Variants in FANCA observed in about 807,000 individuals in gnomAD.
The protein encoded by FANCA is FA complementation group A, also known as Fanconi anemia group A protein.
A neutral mutation model predicts 194.3 loss-of-function variants in FANCA; 236 were observed. The observed-to-expected ratio is 1.21, with a 90% CI of 1.09 to 1.35. FANCA has a LOEUF of 1.35. Among genes scored for constraint, FANCA ranks in the 40% most tolerant of loss-of-function variants. The probability of loss-of-function intolerance (pLI) is 0.00; values close to 1 mark genes in which losing one functional copy is unlikely to be tolerated. For synonymous variants in FANCA, 1,014 were observed against 715.8 expected (o/e 1.42, Z -6.65); for missense variants, 2,628 against 1,813.9 (o/e 1.45, Z -8.15).
chr16:89,792,803 G>A (rs918881036), intron 11 of FANCA: 1 of 427,836 alleles, frequency 2.3e-6, no homozygotes, highest in Non-Finnish European at 4.5e-6. Context: ...AAAGCAAAAG[G>A]GGCAGGGTAA....
At chr16:89,752,562 T>C (rs17227022) in intron 30 of FANCA, among the ~76,000 whole-genome samples, 1 of 152,240 alleles carries the variant, frequency 6.6e-6, no homozygotes, top group Non-Finnish European at 1.5e-5. Context: ...AGATCTTAGA[T>C]ATGATTACAT....
rs1334445712 is a variant in FANCA at position 89,753,274 on chromosome 16, T to C, written c.2982-1052A>G. Reference sequence around the variant, plus strand: ...ATTGTTTACCCTGCCCCTTCTGCCTTGTATCCAATAAGTAACAGCGCAGCC... The same window carrying C: ...ATTGTTTACCCTGCCCCTTCTGCCTCGTATCCAATAAGTAACAGCGCAGCC... On this transcript the variant is annotated intron_variant, in intron 30 of 42. Transcript: ENST00000389301. 2.6e-5 allele frequency among the ~76,000 whole-genome samples: 4 copies of C among 152,160 alleles called. No individual in the cohort carries two copies. In the East Asian group the frequency reaches 5.8e-4, roughly 22 times the overall value.
At chr16:89,798,614 C>T (rs2040328445) in intron 10 of FANCA, 2 of 1,169,772 alleles carry the variant, frequency 1.7e-6, no homozygotes, top group Non-Finnish European at 2.1e-6. Context: ...CCACCTTCCA[C>T]CCAGCCCCCA....
rs761166173 is a variant in FANCA, at chr16:89,775,826, G to A, written c.1827-11C>T. 3.8e-6 allele frequency: 6 copies of A among 1,597,214 alleles called. No individual in the cohort carries two copies. Among genetic ancestry groups the A allele is most frequent in the Non-Finnish European group, 4.3e-6 (5 of 1,166,788 alleles). Reference sequence around the variant, plus strand: ...GGGATTTTATCTGCTCTGGATCACAGGAAAACAATACAATTAAGTCAGCTA... The same window carrying A: ...GGGATTTTATCTGCTCTGGATCACAAGAAAACAATACAATTAAGTCAGCTA... On this transcript the variant is annotated splice_polypyrimidine_tract_variant and intron_variant, in intron 20 of 42. Coordinates refer to ENST00000389301, the MANE Select transcript of FANCA (RefSeq NM_000135.4).
intron 29 of FANCA, among the ~76,000 whole-genome samples, chr16:89,759,475 C>T (rs997736590): frequency 6.6e-6 from 1 of 151,644 alleles, no homozygotes; most frequent in Non-Finnish European, 1.5e-5. Flanking sequence ...CAAGGAGACA[C>T]TGACTCAAAA....
rs527882851 is a variant in FANCA at position 89,758,582 on chromosome 16, G to A, written c.2976C>T (p.His992=). 11 of 1,613,584 alleles carry A rather than the reference G, an allele frequency of 6.8e-6. No homozygotes were observed. The South Asian group carries it at 9.9e-5, about 14-fold the overall frequency. Residue 992 remains histidine (H), a synonymous_variant, in exon 30 of 43, where the codon CAC becomes CAT. Coordinates refer to ENST00000389301, the MANE Select transcript of FANCA (RefSeq NM_000135.4). ...TILVNALMDF[H]QSSRSYDHSE... is the part of the protein sequence containing the mutation. ...ATACAGTGTGTGCTGCTAACCTTTG[G>A]TGGAAATCCATCAGTGCGTTGACAA...
intron 42 of FANCA, 77 bp downstream of exon 42, chr16:89,738,805 C>G (rs1567591566): frequency 5.0e-6 from 8 of 1,613,680 alleles, no homozygotes; most frequent in Non-Finnish European, 5.9e-6. Flanking sequence ...GTATTGCCAG[C>G]CAGGCAGGCA....
At position 89,739,517 on chromosome 16, in the gene FANCA, G is replaced by A. The variant is rs182657062; in HGVS notation, c.3971C>T (p.Pro1324Leu). ...AGGCAGCAGCCTGGTGTGCTGATCC[G>A]GGGCCACACGGAGGAGGAGCCGCCC... The part of the protein sequence containing the change: ...RLGRLLLRVA[P>L]DQHTRLLPFA... Residue 1324 changes from proline to leucine, a missense_variant, in exon 40 of 43, where the codon CCG (proline) becomes CTG (leucine). Physicochemically the swap from Pro to Leu is moderately conservative, Grantham distance 98 (BLOSUM62 -3). Transcript: ENST00000389301. 2.3e-5 allele frequency: 36 copies of A among 1,551,320 alleles called. No homozygotes were observed. The highest frequency in any genetic ancestry group is 4.9e-5 in the East Asian group (2 of 40,934).
At chr16:89,748,798 A>G (rs1367166428) in intron 32 of FANCA, 31 bp from the exon 33 acceptor site, 2 of 1,574,970 alleles carry the variant, frequency 1.3e-6, no homozygotes, top group South Asian at 1.1e-5. Flanking sequence ...TGGTGGCGAC[A>G]GCACAGCGTA....
intron 8 of FANCA, among the ~76,000 whole-genome samples, chr16:89,801,832 G>T (rs1427099149): frequency 2.0e-5 from 3 of 151,886 alleles, no homozygotes; most frequent in African/African-American, 4.8e-5. Context: ...AGGTTGCAGT[G>T]AGCCGAAATC....
chr16:89,763,092 A>C (rs1228318414), intron 28 of FANCA, among the ~76,000 whole-genome samples: 1 of 151,642 alleles, frequency 6.6e-6, no homozygotes, highest in East Asian at 2.0e-4. Flanking sequence ...CTAAAAATAC[A>C]AAAAGTTAGC....
At chr16:89,770,514 G>C (rs1391440426) in intron 24 of FANCA, 50 bp downstream of exon 24, 3 of 1,526,660 alleles carry the variant, frequency 2.0e-6, no homozygotes, top group Admixed American at 1.9e-5. Flanking sequence ...CCCAGCAAGA[G>C]GTGGCACCCA....
At chr16:89,752,600 G>T (rs2038634409) in intron 30 of FANCA, among the ~76,000 whole-genome samples, 1 of 152,308 alleles carries the variant, frequency 6.6e-6, no homozygotes, top group East Asian at 1.9e-4. Context: ...TTAGTTGGTA[G>T]CAATTACTTT....
At chr16:89,790,181 C>A (rs1038060186) in intron 14 of FANCA, among the ~76,000 whole-genome samples, 2 of 152,006 alleles carry the variant, frequency 1.3e-5, no homozygotes, top group Non-Finnish European at 2.9e-5. Context: ...GGAGGCGGAC[C>A]ACTTAAGGTC....
At chr16:89,740,279 GGAGGCCAGGGACTTCGAGC>G (rs1415722742) in intron 38 of FANCA, 180 bp from the exon 39 acceptor site, 28 of 631,116 alleles carry the variant, frequency 4.4e-5, no homozygotes, top group African/African-American at 7.3e-5. Flanking sequence ...GGCTCAGGTA[GGAGGCCAGGGACTTCGAGC>G]ACCCACACCA....
chr16:89,812,651 A>AC (rs34055569), intron 3 of FANCA, among the ~76,000 whole-genome samples: 55,195 of 135,776 alleles, frequency 0.41, 12,686 homozygotes, highest in East Asian at 0.72. Context: ...CGTCTCAAAA[A>AC]AAAAAAAAAA....
chr16:89,791,811 C>A, intron 13 of FANCA, 116 bp downstream of exon 13: 5 of 1,345,478 alleles, frequency 3.7e-6, no homozygotes, highest in Non-Finnish European at 5.3e-6. Flanking sequence ...ACTGCAGGTT[C>A]CGGGCAGGTA....
intron 20 of FANCA, among the ~76,000 whole-genome samples, 161 bp from the exon 21 acceptor site, chr16:89,775,976 T>C (rs1270011453): frequency 6.6e-6 from 1 of 151,604 alleles, no homozygotes; most frequent in Non-Finnish European, 1.5e-5. Flanking sequence ...TATTAAAAAA[T>C]ATATATAGAT....
intron 9 of FANCA, 138 bp from the exon 10 acceptor site, chr16:89,799,370 T>C (rs893858075): frequency 3.8e-6 from 4 of 1,051,998 alleles, no homozygotes; most frequent in South Asian, 2.6e-5. Context: ...TTCTACAATC[T>C]GTAGGCCTTA....
Sources: allele counts gnomAD v4.1 joint callset (sites outside exome capture counted in the v4.1 genomes callset), GRCh38; gene constraint gnomAD v4.1.1; transcripts MANE v1.5; gene names NCBI Gene and HGNC (gene_info 2026-07-23, HGNC 2026-07-21).